KYNU: variants seen among roughly 807,000 people sequenced by gnomAD.
The protein encoded by KYNU is kynureninase.
Under a neutral mutation model 59.2 loss-of-function variants are expected in KYNU, and 54 were observed. The observed-to-expected ratio is 0.91, with a 90% CI of 0.73 to 1.14. KYNU has a LOEUF of 1.14. KYNU is among the 50% of genes most tolerant of loss of function. KYNU has a pLI of 0.00. For synonymous variants in KYNU, 177 were observed against 192.0 expected (o/e 0.92, Z 0.65); for missense variants, 567 against 554.4 (o/e 1.02, Z -0.23).
At chr2:143,028,208 A>G (rs111238103) in intron 10 of KYNU, among the ~76,000 whole-genome samples, 20 of 115,876 alleles carry the variant, frequency 1.7e-4, no homozygotes, top group African/African-American at 5.9e-4. Flanking sequence ...TTTTCCCTAT[A>G]TATTTTGTAT....
At chr2:142,884,491 A>G (rs961366851) in intron 1 of KYNU, among the ~76,000 whole-genome samples, 3 of 152,124 alleles carry the variant, frequency 2.0e-5, no homozygotes, top group African/African-American at 7.2e-5. Context: ...CATCCTTACC[A>G]TTATCTCCTC....
intron 2 of KYNU, among the ~76,000 whole-genome samples, chr2:142,896,680 T>A (rs1464464438): frequency 1.3e-5 from 2 of 152,118 alleles, no homozygotes; most frequent in Non-Finnish European, 2.9e-5. Flanking sequence ...ACAGACAGGG[T>A]CTCGCTTTGT....
chr2:143,024,594 T>C (rs1686499741), intron 10 of KYNU, among the ~76,000 whole-genome samples: 1 of 152,058 alleles, frequency 6.6e-6, no homozygotes, highest in Non-Finnish European at 1.5e-5. Flanking sequence ...AATGGTTGCA[T>C]TTGATACATT....
At chr2:142,998,491 ATCATT>A (rs1269300737) in intron 10 of KYNU, among the ~76,000 whole-genome samples, 2 of 152,142 alleles carry the variant, frequency 1.3e-5, no homozygotes, top group African/African-American at 4.8e-5. Flanking sequence ...TTTTGAAATA[ATCATT>A]TCTTTATTTG....
chr2:142,965,872 C>A (rs2105111223), intron 8 of KYNU, among the ~76,000 whole-genome samples: 2 of 152,096 alleles, frequency 1.3e-5, no homozygotes, highest in East Asian at 3.9e-4. Flanking sequence ...TTGTTCCTAA[C>A]CCATTTTCCT....
At chr2:143,034,256 G>A (rs573836422) in intron 12 of KYNU, among the ~76,000 whole-genome samples, 1 of 151,928 alleles carries the variant, frequency 6.6e-6, no homozygotes, top group South Asian at 2.1e-4. Flanking sequence ...ATTTCTAATA[G>A]AAGTTTTACA....
At chr2:142,978,236 A>G (rs1000672584) in intron 8 of KYNU, among the ~76,000 whole-genome samples, 1 of 152,154 alleles carries the variant, frequency 6.6e-6, no homozygotes, top group African/African-American at 2.4e-5. Context: ...ACACACACAC[A>G]CCCAGACACA....
At chr2:142,910,150 T>C (rs1682433034) in intron 2 of KYNU, among the ~76,000 whole-genome samples, 1 of 145,844 alleles carries the variant, frequency 6.9e-6, no homozygotes, top group African/African-American at 2.6e-5. Flanking sequence ...TTTTTTTTTT[T>C]CTTTGAGACA....
Position 142,932,736 on chromosome 2 carries a change from G to T in KYNU, c.373+4995G>T, listed in dbSNP as rs535673855. On this transcript the variant is annotated intron_variant, in intron 4 of 13. Coordinates refer to ENST00000264170, the MANE Select transcript of KYNU (RefSeq NM_003937.3). Reference sequence around the variant, plus strand: ...TTGGGAGGTAGTGCCTAGGGGCAGTGGATTGGCTTCAATAGTATGTGGGGG... The same window carrying T: ...TTGGGAGGTAGTGCCTAGGGGCAGTTGATTGGCTTCAATAGTATGTGGGGG... 5.5e-5 allele frequency among the ~76,000 whole-genome samples: 7 copies of T among 126,562 alleles called. No individual in the cohort carries two copies. The East Asian group carries it at 2.0e-3, about 36-fold the overall frequency. The allele number at this position is 126,562 out of a possible 152,430, so 83.0% of individuals were successfully genotyped here.
In KYNU at chr2:143,048,214, G is replaced by T. The variant is rs1687200116; in HGVS notation, c.*6042G>T. 1 of 151,936 alleles carries T rather than the reference G, an allele frequency of 6.6e-6. No homozygotes were observed. Among genetic ancestry groups the T allele is most frequent in the African/African-American group, 2.4e-5 (1 of 41,368 alleles). The allele number at this position is 151,936 out of a possible 1,614,324, so 9.4% of individuals were successfully genotyped here. On this transcript the variant is annotated 3_prime_UTR_variant, in exon 14 of 14. Transcript: ENST00000264170. Reference sequence around the variant, plus strand: ...TTTTGGATTTAGGGATGTGTGTGTGGAGGTGTATTGAGTCCGTTTTTTCTT... The same window carrying T: ...TTTTGGATTTAGGGATGTGTGTGTGTAGGTGTATTGAGTCCGTTTTTTCTT...
chr2:142,913,948 C>A (rs1682590603), intron 2 of KYNU, among the ~76,000 whole-genome samples: 1 of 152,072 alleles, frequency 6.6e-6, no homozygotes, highest in Non-Finnish European at 1.5e-5. Flanking sequence ...TATGTATTGC[C>A]CTTCTTTGAC....
intron 2 of KYNU, among the ~76,000 whole-genome samples, chr2:142,912,368 TTTC>T (rs1178255760): frequency 1.0e-4 from 14 of 135,220 alleles, no homozygotes; most frequent in African/African-American, 3.3e-4. Flanking sequence ...ATCTTTTGTA[TTTC>T]TTTTTTTTTT....
intron 1 of KYNU, chr2:142,881,357 T>A (rs1017837767): frequency 6.6e-6 from 1 of 152,166 alleles, no homozygotes; most frequent in Non-Finnish European, 1.5e-5. Flanking sequence ...ATATAAAGAA[T>A]GGCTTATCAG....
At chr2:142,890,651 T>C (rs1023832098) in intron 2 of KYNU, among the ~76,000 whole-genome samples, 1 of 152,094 alleles carries the variant, frequency 6.6e-6, no homozygotes, top group Non-Finnish European at 1.5e-5. Context: ...CTAATTTTTG[T>C]ATTTTTTGTC....
intron 8 of KYNU, among the ~76,000 whole-genome samples, chr2:142,977,362 A>G (rs1173242522): frequency 3.5e-5 from 3 of 84,764 alleles, no homozygotes; most frequent in Non-Finnish European, 7.3e-5. Context: ...CCTGGATGGA[A>G]TTTTGTGTGG....
At chr2:143,010,127 G>A (rs1366935427) in intron 10 of KYNU, among the ~76,000 whole-genome samples, 3 of 141,722 alleles carry the variant, frequency 2.1e-5, no homozygotes, top group South Asian at 4.7e-4. Context: ...AATTGTCCCT[G>A]TTTGCAGATG....
At chr2:143,011,830 G>A (rs1450447332) in intron 10 of KYNU, among the ~76,000 whole-genome samples, 67 of 129,454 alleles carry the variant, frequency 5.2e-4, no homozygotes, top group African/African-American at 2.0e-3. Context: ...ACCAAACACC[G>A]CATATTCTCA....
intron 2 of KYNU, among the ~76,000 whole-genome samples, chr2:142,885,906 A>G (rs1055019343): frequency 1.5e-4 from 23 of 152,218 alleles, no homozygotes; most frequent in Non-Finnish European, 3.1e-4. Flanking sequence ...TCTGGCACTT[A>G]GTTTATAATA....
chr2:142,940,959 T>C (rs955648837), intron 4 of KYNU, among the ~76,000 whole-genome samples: 3 of 152,208 alleles, frequency 2.0e-5, no homozygotes, highest in South Asian at 2.1e-4. Context: ...AAGAGATGCA[T>C]AGGGCATGGA....
Sources: gnomAD v4.1 joint callset for allele counts (sites outside exome capture counted in the v4.1 genomes callset) on GRCh38, gnomAD v4.1.1 for gene constraint, MANE v1.5 for transcripts, NCBI Gene and HGNC (gene_info 2026-07-23, HGNC 2026-07-21) for gene names.